Variants in BUB1 observed in about 807,000 individuals in gnomAD.
BUB1 encodes the protein BUB1 mitotic checkpoint serine/threonine kinase, also known as mitotic checkpoint serine/threonine-protein kinase BUB1.
Under a neutral mutation model 135.2 loss-of-function variants are expected in BUB1, and 84 were observed. The ratio of observed to expected loss-of-function variants is 0.62; its 90% CI spans 0.52 to 0.74. The LOEUF is 0.74. Ranked by LOEUF, BUB1 falls within the 30% of genes least tolerant of loss-of-function variation. The pLI is 0.00. For synonymous variants in BUB1, 403 were observed against 434.4 expected (o/e 0.93, Z 0.90); for missense variants, 1,162 against 1,288.3 (o/e 0.90, Z 1.50).
In BUB1 at chr2:110,655,702, T is replaced by C. The variant is rs375993451; in HGVS notation, c.1876+37A>G. 4 of 1,462,762 alleles carry C rather than the reference T, an allele frequency of 2.7e-6. No individual in the cohort carries two copies. In the African/African-American group the frequency reaches 5.5e-5, roughly 20 times the overall value. The allele number at this position is 1,462,762 out of a possible 1,614,324, so 90.6% of individuals were successfully genotyped here. On this transcript the variant is annotated intron_variant, in intron 16 of 24. Transcript: ENST00000302759. The stretch of plus-strand genomic sequence containing the variant: ...TGAAGAAAACTGAAAGAATCAAAGT[T>C]GGCAGAAGACAGACACTAAAACAGT...
At chr2:110,670,134 T>G (rs959355275) in intron 5 of BUB1, among the ~76,000 whole-genome samples, 4 of 141,444 alleles carry the variant, frequency 2.8e-5, no homozygotes, top group African/African-American at 1.1e-4. Flanking sequence ...GGGTTTTTTT[T>G]TTTTTTTTTT....
chr2:110,645,183 C>T (rs1052471005), intron 19 of BUB1, among the ~76,000 whole-genome samples: 2 of 152,110 alleles, frequency 1.3e-5, no homozygotes, highest in Middle Eastern at 3.2e-3. Context: ...CTTGTAATCT[C>T]AGCACTTTGG....
chr2:110,666,163 T>C, intron 9 of BUB1, 100 bp downstream of exon 9: 1 of 1,175,436 alleles, frequency 8.5e-7, no homozygotes, highest in Non-Finnish European at 1.1e-6. Flanking sequence ...CTAGCTAAAT[T>C]AACATCAGAA....
chr2:110,658,504 C>T lies in BUB1; in HGVS notation c.1422G>A (p.Met474Ile), dbSNP rs896441250. The T allele has an allele frequency of 1.2e-6, 2 of 1,613,880 alleles. No individual in the cohort carries two copies. Among genetic ancestry groups the T allele is most frequent in the Non-Finnish European group, 1.7e-6 (2 of 1,179,902 alleles). ...TKEALGFIMN[M>I]FQAPTLPDIS... ...TATCAGGAAGTGTAGGAGCCTGAAA[C>T]ATATTCATGATGAAACCTTAAAGAA... Residue 474 changes from methionine to isoleucine, a missense_variant, in exon 13 of 25, where the codon ATG (methionine) becomes ATA (isoleucine). Coordinates refer to ENST00000302759, the MANE Select transcript of BUB1 (RefSeq NM_004336.5).
chr2:110,637,867 A>G lies in BUB1; in HGVS notation c.*97T>C. ...ATATTCCATGGGATTTATTTTTAACAAACATTTACATAAACAATAAATGAA... is the reference window on the plus strand; with the variant it reads ...ATATTCCATGGGATTTATTTTTAACGAACATTTACATAAACAATAAATGAA... On this transcript the variant is annotated 3_prime_UTR_variant, in exon 25 of 25. Coordinates refer to ENST00000302759, the MANE Select transcript of BUB1 (RefSeq NM_004336.5). The G allele has an allele frequency of 3.4e-6, 3 of 891,352 alleles. No individual in the cohort carries two copies. Among genetic ancestry groups the G allele is most frequent in the Non-Finnish European group, 4.7e-6 (3 of 638,990 alleles). The allele number at this position is 891,352 out of a possible 1,614,324, so 55.2% of individuals were successfully genotyped here.
chr2:110,676,103 C>G (rs1470087605), intron 1 of BUB1, among the ~76,000 whole-genome samples: 3 of 150,826 alleles, frequency 2.0e-5, no homozygotes, highest in African/African-American at 4.9e-5. Context: ...CCAAAACAAA[C>G]AAAAAAACCA....
intron 16 of BUB1, among the ~76,000 whole-genome samples, chr2:110,655,304 A>G (rs1253501150): frequency 1.3e-5 from 2 of 152,204 alleles, no homozygotes; most frequent in Non-Finnish European, 2.9e-5. Flanking sequence ...GTGTGTAGAC[A>G]CACATCTAGG....
At chr2:110,662,723 G>GC (rs1690131452) in intron 9 of BUB1, among the ~76,000 whole-genome samples, 1 of 152,162 alleles carries the variant, frequency 6.6e-6, no homozygotes, top group African/African-American at 2.4e-5. Context: ...GATCACTTGA[G>GC]CCTGGGAGGA....
intron 3 of BUB1, 121 bp from the exon 4 acceptor site, chr2:110,672,978 C>G: frequency 1.0e-6 from 1 of 975,276 alleles, no homozygotes; most frequent in Non-Finnish European, 1.4e-6. Context: ...TGGTCATCAG[C>G]AAAACCAAGG....
At chr2:110,649,093 G>GT in intron 19 of BUB1, 141 bp downstream of exon 19, 1 of 726,252 alleles carries the variant, frequency 1.4e-6, no homozygotes, top group Non-Finnish European at 2.1e-6. Flanking sequence ...AAAATGATCA[G>GT]TTTAGTATTA....
Position 110,657,123 on chromosome 2 carries a change from G to C in BUB1, c.1617-6C>G. 1 of 1,607,332 alleles carries C rather than the reference G, an allele frequency of 6.2e-7. No individual in the cohort carries two copies. ...TATTTTTAGGCTGTGGTAATCTAAG[G>C]AAAGATTTGCTAAATTATAAATAGT... On this transcript the variant is annotated splice_region_variant and splice_polypyrimidine_tract_variant and intron_variant, in intron 14 of 24. Coordinates refer to ENST00000302759, the MANE Select transcript of BUB1 (RefSeq NM_004336.5).
chr2:110,650,840 G>C, intron 17 of BUB1, 56 bp from the exon 18 acceptor site: 1 of 1,477,736 alleles, frequency 6.8e-7, no homozygotes, highest in South Asian at 1.2e-5. Context: ...GAAATCTGTT[G>C]GATTCAGTCA....
chr2:110,657,201 A>C, intron 14 of BUB1, 84 bp from the exon 15 acceptor site: 1 of 1,165,318 alleles, frequency 8.6e-7, no homozygotes, highest in African/African-American at 1.6e-5. Flanking sequence ...AAAGTTCTCT[A>C]CTTATCCTAT....
At position 110,661,597 on chromosome 2, in the gene BUB1, G is replaced by C. The variant is rs772220342; in HGVS notation, c.1202C>G (p.Ala401Gly). 3.5e-5 allele frequency: 56 copies of C among 1,613,904 alleles called. No individual in the cohort carries two copies. Among genetic ancestry groups the C allele is most frequent in the Non-Finnish European group, 8.5e-6 (10 of 1,180,014 alleles). Reference sequence around the variant, plus strand: ...TTCAGCTTACCCAGCATCTTTGCTGGCCACTGCAAACATGGAGTCTGTTAC... The same window carrying C: ...TTCAGCTTACCCAGCATCTTTGCTGCCCACTGCAAACATGGAGTCTGTTAC... ...QTVTDSMFAVASKDAGCVNKS... is the reference protein window; with the variant it reads ...QTVTDSMFAVGSKDAGCVNKS... Residue 401 changes from alanine (A) to glycine (G), a missense_variant, in exon 10 of 25, where the codon GCC (alanine) becomes GGC (glycine). Physicochemically the swap from Ala to Gly is moderately conservative, Grantham distance 60 (BLOSUM62 0). Coordinates refer to ENST00000302759, the MANE Select transcript of BUB1 (RefSeq NM_004336.5).
chr2:110,641,826 T>A, intron 20 of BUB1, 23 bp from the exon 21 acceptor site: 1 of 1,594,950 alleles, frequency 6.3e-7, no homozygotes, highest in Non-Finnish European at 8.5e-7. Context: ...TATGTGAAAT[T>A]CATATCCAAT....
intron 5 of BUB1, among the ~76,000 whole-genome samples, chr2:110,670,059 T>G (rs563722573): frequency 1.3e-5 from 2 of 152,052 alleles, no homozygotes; most frequent in African/African-American, 2.4e-5. Flanking sequence ...TAGTGGGCAT[T>G]ATGATGATCA....
chr2:110,650,819 C>T (rs781106840), intron 17 of BUB1, 35 bp from the exon 18 acceptor site: 3 of 1,546,498 alleles, frequency 1.9e-6, no homozygotes, highest in Non-Finnish European at 2.7e-6. Flanking sequence ...AACCAAAACA[C>T]CACATGATTA....
At position 110,667,792 on chromosome 2, in the gene BUB1, C is replaced by T; in HGVS notation, c.620+5G>A. 6.2e-7 allele frequency: 1 copy of T among 1,613,094 alleles called. No homozygotes were observed. On this transcript the variant is annotated splice_donor_5th_base_variant and intron_variant, in intron 7 of 24. Coordinates refer to ENST00000302759, the MANE Select transcript of BUB1 (RefSeq NM_004336.5). ...ATAATAGATTAATGCACTGATTATA[C>T]TTGCATATTTGACTCTTTATCACAA...
At chr2:110,642,577 A>T (rs1362423782) in intron 19 of BUB1, 1 of 161,896 alleles carries the variant, frequency 6.2e-6, no homozygotes, top group Non-Finnish European at 1.3e-5. Context: ...TCCAAAGAGT[A>T]CTAGTCAGGT....
Sources: gnomAD v4.1 joint callset for allele counts (sites outside exome capture counted in the v4.1 genomes callset) on GRCh38, gnomAD v4.1.1 for gene constraint, MANE v1.5 for transcripts, NCBI Gene and HGNC (gene_info 2026-07-23, HGNC 2026-07-21) for gene names.